Variants in ME1 observed in about 807,000 individuals in gnomAD.
The protein encoded by ME1 is malic enzyme 1.
In ME1, 74 loss-of-function variants were observed where a neutral mutation model predicts 66.4. The ratio of observed to expected loss-of-function variants is 1.11; its 90% confidence interval spans 0.92 to 1.35. The LOEUF (loss-of-function observed/expected upper bound fraction) is 1.35. Ranked by LOEUF, ME1 falls within the 40% of genes most tolerant of loss-of-function variation. The pLI is 0.00. For synonymous variants in ME1, 251 were observed against 235.6 expected (o/e 1.07, Z -0.60); for missense variants, 750 against 694.1 (o/e 1.08, Z -0.90).
intron 5 of ME1, among the ~76,000 whole-genome samples, chr6:83,332,005 CA>C (rs571899825): frequency 6.6e-6 from 1 of 151,182 alleles, no homozygotes; most frequent in East Asian, 1.9e-4. Flanking sequence ...TTGGCAACAG[CA>C]AAAAAAGAAG....
chr6:83,264,649 T>G (rs1168250414), intron 6 of ME1, among the ~76,000 whole-genome samples: 1 of 152,152 alleles, frequency 6.6e-6, no homozygotes, highest in Non-Finnish European at 1.5e-5. Flanking sequence ...TTCAAGATGT[T>G]AGCAGAGGAA....
chr6:83,377,929 A>G (rs1213751137), intron 3 of ME1, among the ~76,000 whole-genome samples: 1 of 152,208 alleles, frequency 6.6e-6, no homozygotes, highest in Non-Finnish European at 1.5e-5. Context: ...CAGATTCAGT[A>G]AAATCATGAA....
chr6:83,388,328 C>T (rs967392112), intron 3 of ME1, among the ~76,000 whole-genome samples: 25 of 152,116 alleles, frequency 1.6e-4, no homozygotes, highest in Non-Finnish European at 1.5e-4. Flanking sequence ...TAAACTGATC[C>T]GTCTGCCTTG....
chr6:83,247,559 G>A (rs944443433), intron 7 of ME1, among the ~76,000 whole-genome samples: 8 of 151,756 alleles, frequency 5.3e-5, no homozygotes, highest in African/African-American at 1.9e-4. Flanking sequence ...GTCCACCCAA[G>A]GGTCCAGTGT....
At chr6:83,236,065 T>C (rs953904112) in intron 9 of ME1, among the ~76,000 whole-genome samples, 6 of 152,088 alleles carry the variant, frequency 3.9e-5, no homozygotes, top group Admixed American at 3.9e-4. Context: ...ATATATACTA[T>C]GGTATTTGTT....
rs188881013 is a variant in ME1, at chr6:83,228,819, T to A, written c.1132+7A>T. ...GTAGGGGAGAAGGGAGAGGAGAAAA[T>A]GCTTACCTATGAGGGCAGTTGGTTT... On this transcript the variant is annotated splice_region_variant and intron_variant, in intron 10 of 13. Transcript: ENST00000369705. The A allele has an allele frequency of 1.4e-3, 2,187 of 1,577,718 alleles. 3 individuals carry two copies. The highest frequency in any genetic ancestry group is 1.7e-3 in the Non-Finnish European group (2,014 of 1,154,878).
chr6:83,359,245 G>C (rs1362615448), intron 3 of ME1, among the ~76,000 whole-genome samples: 1 of 152,162 alleles, frequency 6.6e-6, no homozygotes, highest in Non-Finnish European at 1.5e-5. Flanking sequence ...TTCTCCTCAG[G>C]AGCCACCCCC....
In ME1 at chr6:83,425,585, C is replaced by T. The variant is rs371896992; in HGVS notation, c.78+5292G>A. On this transcript the variant is annotated intron_variant, in intron 1 of 13. Coordinates refer to ENST00000369705, the MANE Select transcript of ME1 (RefSeq NM_002395.6). ...AACTCACTCACTACCAGGAGAACAGCAGCATGGGGGTAACCACCCCCATCA... is the reference window on the plus strand; with the variant it reads ...AACTCACTCACTACCAGGAGAACAGTAGCATGGGGGTAACCACCCCCATCA... Among the ~76,000 whole-genome samples, 26 of 152,210 alleles carry T rather than the reference C, an allele frequency of 1.7e-4. No homozygotes were observed. The South Asian group carries it at 5.2e-3, about 30-fold the overall frequency.
At chr6:83,401,318 G>C (rs1769834621) in intron 2 of ME1, among the ~76,000 whole-genome samples, 1 of 152,142 alleles carries the variant, frequency 6.6e-6, no homozygotes, top group African/African-American at 2.4e-5. Context: ...CTGGGCAATA[G>C]AGTGAGACCC....
At chr6:83,260,595 G>T (rs1218169290) in intron 6 of ME1, among the ~76,000 whole-genome samples, 2 of 152,026 alleles carry the variant, frequency 1.3e-5, no homozygotes, top group Non-Finnish European at 2.9e-5. Context: ...CTGGGGTGGT[G>T]ATGAGAACAC....
intron 8 of ME1, among the ~76,000 whole-genome samples, chr6:83,238,414 A>G (rs1271955397): frequency 6.6e-6 from 1 of 152,168 alleles, no homozygotes; most frequent in African/African-American, 2.4e-5. Context: ...AACAAGTGCT[A>G]GTTTTGAATC....
intron 6 of ME1, among the ~76,000 whole-genome samples, chr6:83,293,226 C>G (rs946640323): frequency 6.6e-6 from 1 of 152,154 alleles, no homozygotes; most frequent in Non-Finnish European, 1.5e-5. Context: ...TCTTCTGCAT[C>G]GATCTTGCTG....
At chr6:83,367,418 C>T (rs1769118746) in intron 3 of ME1, among the ~76,000 whole-genome samples, 2 of 152,158 alleles carry the variant, frequency 1.3e-5, no homozygotes, top group African/African-American at 2.4e-5. Flanking sequence ...ATTGAATTCT[C>T]CTCTCTAGCT....
rs199668476 is a variant in ME1 at position 83,430,993 on chromosome 6, G to A, written c.-39C>T. The A allele has an allele frequency of 8.3e-4, 1,114 of 1,343,408 alleles. No individual in the cohort carries two copies. Among genetic ancestry groups the A allele is most frequent in the Middle Eastern group, 2.3e-3 (11 of 4,844 alleles). 83.2% of individuals were successfully genotyped at this position (1,343,408 alleles called of 1,614,324 possible). A position where few individuals can be genotyped will look rare whatever the true frequency, so the allele number is the denominator to read the frequency against. ...TTCGGCGGCGGGGTCAGGCCGGGGC[G>A]GGCCGCACGCGCGGTGCAGGCGGCG... is the stretch of plus-strand genomic sequence containing the variant. On this transcript the variant is annotated 5_prime_UTR_variant, in exon 1 of 14. Coordinates refer to ENST00000369705, the MANE Select transcript of ME1 (RefSeq NM_002395.6).
intron 6 of ME1, among the ~76,000 whole-genome samples, chr6:83,314,119 G>A (rs889480196): frequency 4.6e-5 from 7 of 152,090 alleles, no homozygotes; most frequent in African/African-American, 1.4e-4. Context: ...GTAACCAAGG[G>A]ATGACTGTCA....
chr6:83,331,443 C>T (rs1043298292), intron 5 of ME1, among the ~76,000 whole-genome samples: 9 of 151,860 alleles, frequency 5.9e-5, no homozygotes, highest in East Asian at 3.9e-4. Context: ...AAAAATTAGT[C>T]GGGCGTGGTG....
At chr6:83,273,669 G>C (rs1767125990) in intron 6 of ME1, among the ~76,000 whole-genome samples, 1 of 152,124 alleles carries the variant, frequency 6.6e-6, no homozygotes, top group South Asian at 2.1e-4. Flanking sequence ...TCAGATGATT[G>C]AATTTACAGT....
At chr6:83,416,771 C>T (rs1426945892) in intron 1 of ME1, among the ~76,000 whole-genome samples, 3 of 151,782 alleles carry the variant, frequency 2.0e-5, no homozygotes, top group African/African-American at 7.3e-5. Flanking sequence ...TGGCATGCAC[C>T]TGTAGTCCCA....
intron 3 of ME1, among the ~76,000 whole-genome samples, chr6:83,373,575 A>G (rs1468774902): frequency 6.6e-6 from 1 of 152,204 alleles, no homozygotes; most frequent in Non-Finnish European, 1.5e-5. Context: ...ATTATATTTA[A>G]CAAAATTAAT....
Sources: allele counts gnomAD v4.1 joint callset (sites outside exome capture counted in the v4.1 genomes callset), GRCh38; gene constraint gnomAD v4.1.1; transcripts MANE v1.5; gene names NCBI Gene and HGNC (gene_info 2026-07-23, HGNC 2026-07-21).